Variants in ASIC2 observed in about 807,000 individuals in gnomAD.
ASIC2 encodes the protein acid sensing ion channel subunit 2.
In ASIC2, 25 loss-of-function variants were observed where a neutral mutation model predicts 57.3. That is an observed-to-expected ratio of 0.44 (90% CI 0.32 to 0.61). ASIC2 has a LOEUF of 0.61. ASIC2 is among the 20% of genes least tolerant of loss of function. The probability of loss-of-function intolerance (pLI) is 0.06; values close to 1 mark genes in which losing one functional copy is unlikely to be tolerated. For missense variants in ASIC2, 641 were observed against 738.1 expected (o/e 0.87, Z 1.52); for synonymous variants, 319 against 307.5 (o/e 1.04, Z -0.39).
chr17:33,256,976 G>C (rs182519538), intron 1 of ASIC2, among the ~76,000 whole-genome samples: 1 of 152,238 alleles, frequency 6.6e-6, no homozygotes, highest in Admixed American at 6.5e-5. Flanking sequence ...CTCCCTAGCA[G>C]CAGCTCTCCC....
intron 1 of ASIC2, among the ~76,000 whole-genome samples, chr17:33,208,742 C>A (rs917247799): frequency 6.6e-6 from 1 of 152,056 alleles, no homozygotes; most frequent in Non-Finnish European, 1.5e-5. Flanking sequence ...AAGACATGAT[C>A]AGTCTTGTTG....
chr17:33,618,726 T>C (rs1313904442), intron 1 of ASIC2, among the ~76,000 whole-genome samples: 2 of 152,182 alleles, frequency 1.3e-5, no homozygotes, highest in African/African-American at 2.4e-5. Flanking sequence ...CCTCTCATGA[T>C]CTGGCCCTTG....
chr17:33,304,484 G>A (rs572821792), intron 1 of ASIC2, among the ~76,000 whole-genome samples: 4 of 152,274 alleles, frequency 2.6e-5, no homozygotes, highest in South Asian at 4.1e-4. Flanking sequence ...CTGCATCCTC[G>A]GACCTTTTGG....
intron 1 of ASIC2, among the ~76,000 whole-genome samples, chr17:33,685,175 C>G (rs1290886617): frequency 6.6e-6 from 1 of 152,182 alleles, no homozygotes; most frequent in Non-Finnish European, 1.5e-5. Flanking sequence ...CAGATTTCCC[C>G]CCTCCCCAAC....
chr17:33,719,216 G>A (rs891527093), intron 1 of ASIC2, among the ~76,000 whole-genome samples: 9 of 152,178 alleles, frequency 5.9e-5, no homozygotes, highest in Admixed American at 2.6e-4. Flanking sequence ...CCTTCAGTTC[G>A]CATCTGAAAT....
At chr17:33,460,527 C>T (rs1912601362) in intron 1 of ASIC2, among the ~76,000 whole-genome samples, 1 of 152,224 alleles carries the variant, frequency 6.6e-6, no homozygotes, top group Non-Finnish European at 1.5e-5. Context: ...AGGCCAGTTT[C>T]TCTCTGGGTT....
rs185823825 is a variant in ASIC2, at chr17:33,994,472, T to A, written c.555+161506A>T. ...GACCACTCCTCTGTGGGTCCCTAAGTCATGAGGTACACTAGGCAATATCTA... is the reference window on the plus strand; with the variant it reads ...GACCACTCCTCTGTGGGTCCCTAAGACATGAGGTACACTAGGCAATATCTA... On this transcript the variant is annotated intron_variant, in intron 1 of 9. Coordinates refer to the ASIC2 transcript ENST00000359872. 1.4e-3 allele frequency among the ~76,000 whole-genome samples: 208 copies of A among 152,272 alleles called. 2 individuals are homozygous for A. Among genetic ancestry groups the A allele is most frequent in the Middle Eastern group, 3.4e-3 (1 of 294 alleles).
chr17:33,662,668 T>TAAATAAAAAAAA (rs530248877), intron 1 of ASIC2, among the ~76,000 whole-genome samples: 1 of 128,054 alleles, frequency 7.8e-6, no homozygotes, highest in South Asian at 2.5e-4. Context: ...AATAAATAAA[T>TAAATAAAAAAAA]AAGTAAAATA....
At chr17:34,099,192 G>C (rs1348266975) in intron 1 of ASIC2, among the ~76,000 whole-genome samples, 2 of 85,346 alleles carry the variant, frequency 2.3e-5, no homozygotes, top group African/African-American at 1.1e-4. Flanking sequence ...AAGAAAGAAA[G>C]AAAGAAAGAA....
intron 1 of ASIC2, among the ~76,000 whole-genome samples, chr17:33,631,238 C>A (rs1225652057): frequency 6.6e-6 from 1 of 152,106 alleles, no homozygotes; most frequent in Admixed American, 6.5e-5. Context: ...ACTTTGAGAA[C>A]CTGCCTTTAT....
In ASIC2 at chr17:33,013,860, C is replaced by T; in HGVS notation, c.*105G>A. The T allele has an allele frequency of 9.5e-7, 1 of 1,049,534 alleles. No homozygotes were observed. Among genetic ancestry groups the T allele is most frequent in the East Asian group, 2.6e-5 (1 of 38,608 alleles). 65.0% of individuals were successfully genotyped at this position (1,049,534 alleles called of 1,614,324 possible). ...GCAATGTGTGCATAGGGGGCTCTTG[C>T]TTCTTTCCAGCACTGGGGCCATCCC... On this transcript the variant is annotated 3_prime_UTR_variant, in exon 10 of 10. Coordinates refer to ENST00000225823, the MANE Select transcript of ASIC2 (RefSeq NM_183377.2).
intron 1 of ASIC2, among the ~76,000 whole-genome samples, chr17:33,473,481 G>A (rs1913120173): frequency 6.6e-6 from 1 of 151,926 alleles, no homozygotes; most frequent in Admixed American, 6.6e-5. Context: ...TGGAGGCGGG[G>A]ACTTGGGGAT....
chr17:34,155,836 C>T, intron 1 of ASIC2: 1 of 925,102 alleles, frequency 1.1e-6, no homozygotes, highest in Non-Finnish European at 1.6e-6. Context: ...CAACTCTGAC[C>T]AACTACCCTC....
rs1395816134 is a variant in ASIC2, at chr17:33,269,747, CTTCT to C, written c.708+21657_708+21660del. Among the ~76,000 whole-genome samples the C allele has an allele frequency of 9.9e-3, 563 of 57,088 alleles. 45 individuals are homozygous for C. Among genetic ancestry groups the C allele is most frequent in the East Asian group, 0.061 (66 of 1,086 alleles). The allele number at this position is 57,088 out of a possible 152,430, so 37.5% of individuals were successfully genotyped here. On this transcript the variant is annotated intron_variant, in intron 1 of 9. Transcript: ENST00000225823. The stretch of plus-strand genomic sequence containing the variant: ...TCCTCCCTCCCTCCTTCCTTCCTTC[CTTCT>C]TTCCTTCCTTCCTTCCTTCCTTCTT...
intron 1 of ASIC2, among the ~76,000 whole-genome samples, chr17:33,775,725 A>G (rs1190700354): frequency 6.6e-6 from 1 of 152,088 alleles, no homozygotes; most frequent in Non-Finnish European, 1.5e-5. Context: ...ATGATGCTGC[A>G]ATTCTTTGTC....
intron 1 of ASIC2, among the ~76,000 whole-genome samples, chr17:33,326,731 A>T (rs1266622228): frequency 6.6e-6 from 1 of 152,214 alleles, no homozygotes; most frequent in African/African-American, 2.4e-5. Context: ...ATTCGTATTC[A>T]ATTAGGACTT....
chr17:33,182,998 C>T (rs1372950034), intron 1 of ASIC2, among the ~76,000 whole-genome samples: 1 of 152,166 alleles, frequency 6.6e-6, no homozygotes, highest in Non-Finnish European at 1.5e-5. Flanking sequence ...TCAAACAGTG[C>T]ACAGCTTTCA....
intron 1 of ASIC2, among the ~76,000 whole-genome samples, chr17:33,609,269 A>T (rs1905317722): frequency 6.6e-6 from 1 of 152,128 alleles, no homozygotes; most frequent in Non-Finnish European, 1.5e-5. Flanking sequence ...TGCTTAAGAG[A>T]CACTGACGGC....
intron 2 of ASIC2, among the ~76,000 whole-genome samples, chr17:33,105,787 T>C (rs1394249892): frequency 6.6e-6 from 1 of 152,142 alleles, no homozygotes; most frequent in Non-Finnish European, 1.5e-5. Context: ...GCTGAGGTGG[T>C]CTCAGATGGA....
Sources: gnomAD v4.1 joint callset for allele counts (sites outside exome capture counted in the v4.1 genomes callset) on GRCh38, gnomAD v4.1.1 for gene constraint, MANE v1.5 for transcripts, NCBI Gene and HGNC (gene_info 2026-07-23, HGNC 2026-07-21) for gene names.